Variants in PTPRD observed in about 807,000 individuals in gnomAD.
PTPRD encodes receptor-type tyrosine-protein phosphatase delta.
In PTPRD, 34 loss-of-function variants were observed where a neutral mutation model predicts 214.5. That is an observed-to-expected ratio of 0.16 (90% CI 0.12 to 0.21). PTPRD has a LOEUF of 0.21. PTPRD is among the 10% of genes least tolerant of loss of function. The pLI, the probability that PTPRD is intolerant of heterozygous loss-of-function variation, is 1.00. For missense variants in PTPRD, 2,545 were observed against 2,398.7 expected (o/e 1.06, Z -1.27); for synonymous variants, 1,128 against 845.7 (o/e 1.33, Z -5.79).
intron 39 of PTPRD, among the ~76,000 whole-genome samples, chr9:8,349,049 A>T (rs201597966): frequency 9.2e-4 from 11 of 11,906 alleles, no homozygotes; most frequent in Non-Finnish European, 3.4e-4. Context: ...AAAATTTATA[A>T]AAAAAAAAAA....
intron 14 of PTPRD, among the ~76,000 whole-genome samples, chr9:8,545,868 C>T (rs1330116729): frequency 2.0e-5 from 3 of 152,132 alleles, no homozygotes; most frequent in Non-Finnish European, 4.4e-5. Context: ...TCCTTAATTT[C>T]CCATTAAGCC....
At chr9:10,265,830 A>C (rs2094016436) in intron 3 of PTPRD, among the ~76,000 whole-genome samples, 1 of 152,248 alleles carries the variant, frequency 6.6e-6, no homozygotes, top group African/African-American at 2.4e-5. Flanking sequence ...ACTTTGATCA[A>C]GATGAGCTTA....
At chr9:9,346,249 T>C (rs997823426) in intron 9 of PTPRD, among the ~76,000 whole-genome samples, 4 of 152,150 alleles carry the variant, frequency 2.6e-5, no homozygotes, top group African/African-American at 9.6e-5. Context: ...AAAAGATTCT[T>C]CCAGATATTT....
chr9:9,153,610 TA>T (rs2099878708), intron 10 of PTPRD, among the ~76,000 whole-genome samples: 2 of 152,352 alleles, frequency 1.3e-5, no homozygotes, highest in South Asian at 4.1e-4. Flanking sequence ...TGATATTAAC[TA>T]TACATTTAAA....
chr9:9,768,511 A>G, intron 5 of PTPRD, among the ~76,000 whole-genome samples: 1 of 152,198 alleles, frequency 6.6e-6, no homozygotes, highest in Non-Finnish European at 1.5e-5. Flanking sequence ...GAGAAACACA[A>G]GTATGGATGA....
In PTPRD at chr9:9,963,829, G is replaced by T. The variant is rs535707246; in HGVS notation, c.-471-25219C>A. Among the ~76,000 whole-genome samples, 3 of 152,284 alleles carry T rather than the reference G, an allele frequency of 2.0e-5. No individual in the cohort carries two copies. In the East Asian group the frequency reaches 5.8e-4, roughly 29 times the overall value. ...CTAACTCAATGATAATTAGAAAGCT[G>T]TCAAAGGATTCATCAACATTGGAAA... On this transcript the variant is annotated intron_variant, in intron 4 of 45. Coordinates refer to ENST00000381196, the MANE Select transcript of PTPRD (RefSeq NM_002839.4).
chr9:8,651,981 T>C (rs112157943), intron 12 of PTPRD, among the ~76,000 whole-genome samples: 5 of 152,316 alleles, frequency 3.3e-5, no homozygotes, highest in African/African-American at 1.2e-4. Flanking sequence ...CTCATTTCAG[T>C]GCCGATTATG....
chr9:8,320,050 C>T (rs1825808651), intron 44 of PTPRD, 84 bp from the exon 45 acceptor site: 1 of 1,500,530 alleles, frequency 6.7e-7, no homozygotes, highest in East Asian at 2.3e-5. Flanking sequence ...ATACTTCTAC[C>T]AGCTTCCACA....
At chr9:10,079,868 C>T (rs1590562133) in intron 3 of PTPRD, among the ~76,000 whole-genome samples, 1 of 151,730 alleles carries the variant, frequency 6.6e-6, no homozygotes, top group Middle Eastern at 3.6e-3. Context: ...TAGATGTTTG[C>T]TATGAATAAT....
chr9:9,751,929 TAA>T (rs2098524377), intron 6 of PTPRD, among the ~76,000 whole-genome samples: 1 of 152,134 alleles, frequency 6.6e-6, no homozygotes, highest in Admixed American at 6.6e-5. Flanking sequence ...CTTAATAAAT[TAA>T]TATTAAAAAT....
At chr9:9,215,549 G>T (rs902399229) in intron 9 of PTPRD, among the ~76,000 whole-genome samples, 4 of 152,138 alleles carry the variant, frequency 2.6e-5, no homozygotes, top group East Asian at 1.9e-4. Context: ...AAAGACTGAG[G>T]CCTCTGTTTT....
At chr9:10,099,044 T>A (rs1179706911) in intron 3 of PTPRD, among the ~76,000 whole-genome samples, 1 of 151,806 alleles carries the variant, frequency 6.6e-6, no homozygotes, top group Non-Finnish European at 1.5e-5. Flanking sequence ...TGCGCTCAGT[T>A]ACAGAAATAT....
chr9:10,351,156 G>T (rs550270651), intron 2 of PTPRD, among the ~76,000 whole-genome samples: 120 of 152,212 alleles, frequency 7.9e-4, no homozygotes, highest in African/African-American at 2.8e-3. Context: ...CATTAAAAGA[G>T]AGTTGTGACA....
intron 8 of PTPRD, among the ~76,000 whole-genome samples, chr9:9,436,929 A>G (rs1489764306): frequency 6.6e-6 from 1 of 151,336 alleles, no homozygotes; most frequent in African/African-American, 2.4e-5. Flanking sequence ...AACCCATGGC[A>G]ATAGTATGAA....
intron 10 of PTPRD, among the ~76,000 whole-genome samples, chr9:9,163,199 A>G (rs1189679546): frequency 6.6e-6 from 1 of 151,896 alleles, no homozygotes; most frequent in African/African-American, 2.4e-5. Context: ...TAAACTGATG[A>G]CTCCCAAATC....
At chr9:9,127,444 G>A (rs1045192703) in intron 10 of PTPRD, among the ~76,000 whole-genome samples, 1 of 152,140 alleles carries the variant, frequency 6.6e-6, no homozygotes, top group African/African-American at 2.4e-5. Context: ...AAAATATACT[G>A]GGAAGCTATA....
At chr9:10,345,577 C>A (rs1400523764) in intron 2 of PTPRD, among the ~76,000 whole-genome samples, 1 of 152,124 alleles carries the variant, frequency 6.6e-6, no homozygotes, top group Non-Finnish European at 1.5e-5. Flanking sequence ...CATCCATGTC[C>A]CTGCAAAGGA....
In PTPRD at chr9:8,316,806, T is replaced by C. The variant is rs1822140104; in HGVS notation, c.*1068A>G. The C allele has an allele frequency of 4.3e-6, 1 of 231,242 alleles. No homozygotes were observed. Among genetic ancestry groups the C allele is most frequent in the South Asian group, 1.8e-4 (1 of 5,522 alleles). 14.3% of individuals were successfully genotyped at this position (231,242 alleles called of 1,614,324 possible). ...CATTCCTCATTTCCCTTTAAAGAAA[T>C]ACCAATATGTCAAAAAATTAAGAAT... On this transcript the variant is annotated 3_prime_UTR_variant, in exon 46 of 46. Coordinates refer to ENST00000381196, the MANE Select transcript of PTPRD (RefSeq NM_002839.4).
intron 5 of PTPRD, among the ~76,000 whole-genome samples, chr9:9,866,388 A>G (rs1450838154): frequency 6.6e-6 from 1 of 152,194 alleles, no homozygotes; most frequent in Admixed American, 6.5e-5. Context: ...ACAAATTCCC[A>G]AGACATGTAA....
Sources: gnomAD v4.1 joint callset for allele counts (sites outside exome capture counted in the v4.1 genomes callset) on GRCh38, gnomAD v4.1.1 for gene constraint, MANE v1.5 for transcripts, NCBI Gene and HGNC (gene_info 2026-07-23, HGNC 2026-07-21) for gene names.